PTCHD4: variants seen among roughly 807,000 people sequenced by gnomAD.
PTCHD4 encodes patched domain-containing protein 4.
PTCHD4 carries 33 observed loss-of-function variants against 58.1 expected under a neutral mutation model. The ratio of observed to expected loss-of-function variants is 0.57; its 90% CI spans 0.43 to 0.76. PTCHD4 has a LOEUF of 0.76. Among genes scored for constraint, PTCHD4 ranks in the 30% least tolerant of loss-of-function variants. The pLI, the probability that PTCHD4 is intolerant of heterozygous loss-of-function variation, is 0.00. For synonymous variants in PTCHD4, 478 were observed against 409.6 expected (o/e 1.17, Z -2.02); for missense variants, 1,058 against 1,027.1 (o/e 1.03, Z -0.41).
At chr6:48,110,792 A>ATAT (rs1765855886) in intron 1 of PTCHD4, among the ~76,000 whole-genome samples, 1 of 142,842 alleles carries the variant, frequency 7.0e-6, no homozygotes, top group African/African-American at 2.5e-5. Flanking sequence ...TATATATATA[A>ATAT]ATATATATAT....
At chr6:47,886,955 G>C (rs1764211920) in intron 4 of PTCHD4, among the ~76,000 whole-genome samples, 1 of 152,114 alleles carries the variant, frequency 6.6e-6, no homozygotes, top group African/African-American at 2.4e-5. Context: ...GCTAGACTGA[G>C]ATTGCCCGTT....
chr6:48,042,235 A>T (rs1423453000), intron 3 of PTCHD4, among the ~76,000 whole-genome samples: 1 of 151,956 alleles, frequency 6.6e-6, no homozygotes, highest in African/African-American at 2.4e-5. Context: ...AGCAATTATT[A>T]ATCGAAATCC....
At chr6:48,053,864 C>T (rs1298843131) in intron 3 of PTCHD4, among the ~76,000 whole-genome samples, 1 of 152,060 alleles carries the variant, frequency 6.6e-6, no homozygotes, top group African/African-American at 2.4e-5. Context: ...AAAATGGTAC[C>T]GTGGTACCTG....
chr6:47,874,664 T>A lies in PTCHD4; in HGVS notation c.*3639A>T, dbSNP rs748813267. Among the ~76,000 whole-genome samples, 1 of 151,782 alleles carries A rather than the reference T, an allele frequency of 6.6e-6. No homozygotes were observed. The highest frequency in any genetic ancestry group is 2.4e-5 in the African/African-American group (1 of 41,420). ...CATCATAAAACATTTGTCATCATTA[T>A]TCTTCTCACCTCACAAGGTAAAAAC... On this transcript the variant is annotated 3_prime_UTR_variant, in exon 5 of 5. Coordinates refer to ENST00000339488, the MANE Select transcript of PTCHD4 (RefSeq NM_001384253.1).
At chr6:47,944,967 T>C (rs188817831) in intron 4 of PTCHD4, among the ~76,000 whole-genome samples, 42 of 151,988 alleles carry the variant, frequency 2.8e-4, no homozygotes, top group Middle Eastern at 3.4e-3. Flanking sequence ...TGTGGATAAA[T>C]GTAGAGTCAT....
At chr6:48,073,169 AATTAGTAACAACAC>A (rs1228844394) in intron 1 of PTCHD4, among the ~76,000 whole-genome samples, 1 of 152,198 alleles carries the variant, frequency 6.6e-6, no homozygotes, top group Non-Finnish European at 1.5e-5. Flanking sequence ...TTTAGGGACC[AATTAGTAACAACAC>A]ATTAATTGGT....
At chr6:47,989,225 C>T (rs1380866135) in intron 4 of PTCHD4, among the ~76,000 whole-genome samples, 7 of 152,152 alleles carry the variant, frequency 4.6e-5, no homozygotes, top group Admixed American at 4.6e-4. Flanking sequence ...GCAGCAAAGC[C>T]TTCAAGAGGT....
intron 1 of PTCHD4, among the ~76,000 whole-genome samples, chr6:48,093,328 G>T (rs2113904464): frequency 6.6e-6 from 1 of 152,198 alleles, no homozygotes; most frequent in East Asian, 1.9e-4. Flanking sequence ...TTAAAAATGT[G>T]AATTCAGGAC....
intron 4 of PTCHD4, among the ~76,000 whole-genome samples, chr6:47,903,279 G>T (rs985011818): frequency 6.6e-6 from 1 of 151,404 alleles, no homozygotes; most frequent in Non-Finnish European, 1.5e-5. Flanking sequence ...AGGGGGAGAT[G>T]ATCATTAATT....
At chr6:48,003,339 C>T (rs1562000637) in intron 4 of PTCHD4, among the ~76,000 whole-genome samples, 2 of 152,110 alleles carry the variant, frequency 1.3e-5, no homozygotes, top group Non-Finnish European at 2.9e-5. Context: ...CAGTGAATTC[C>T]TCTCATGACT....
intron 4 of PTCHD4, among the ~76,000 whole-genome samples, chr6:47,939,883 C>T (rs1367924233): frequency 6.6e-6 from 1 of 152,042 alleles, no homozygotes; most frequent in Non-Finnish European, 1.5e-5. Flanking sequence ...CCCTATGTTG[C>T]CCTGAAACTG....
chr6:47,909,719 G>A (rs1488296875), intron 4 of PTCHD4, among the ~76,000 whole-genome samples: 2 of 152,004 alleles, frequency 1.3e-5, no homozygotes, highest in Non-Finnish European at 2.9e-5. Flanking sequence ...TGGGATTGCA[G>A]GTATGAGCCA....
At chr6:47,941,068 A>C (rs1430410234) in intron 4 of PTCHD4, among the ~76,000 whole-genome samples, 1 of 152,144 alleles carries the variant, frequency 6.6e-6, no homozygotes, top group Non-Finnish European at 1.5e-5. Context: ...AGCATGCCTG[A>C]CTGTTGGCAA....
In PTCHD4 at chr6:47,872,945, A is replaced by G. The variant is rs960251296; in HGVS notation, c.*5358T>C. On this transcript the variant is annotated 3_prime_UTR_variant, in exon 5 of 5. Coordinates refer to ENST00000339488, the MANE Select transcript of PTCHD4 (RefSeq NM_001384253.1). ...AGAGTCCTCATTAAGTATGAAAAAA[A>G]CTGATTAGAAAAAGTGTTCATTATG... Among the ~76,000 whole-genome samples the G allele has an allele frequency of 6.6e-6, 1 of 151,712 alleles. No homozygotes were observed. The highest frequency in any genetic ancestry group is 6.6e-5 in the Admixed American group (1 of 15,186).
At chr6:47,916,687 A>T (rs969373266) in intron 4 of PTCHD4, among the ~76,000 whole-genome samples, 2 of 151,978 alleles carry the variant, frequency 1.3e-5, no homozygotes, top group Admixed American at 6.6e-5. Flanking sequence ...ATATACTCTA[A>T]GGTGTTAGAA....
At chr6:48,060,064 A>G (rs1469512787) in intron 3 of PTCHD4, among the ~76,000 whole-genome samples, 4 of 152,100 alleles carry the variant, frequency 2.6e-5, no homozygotes, top group African/African-American at 7.2e-5. Flanking sequence ...CTTTAACAAG[A>G]CTCAAGCTCC....
chr6:48,043,053 G>A (rs552673167), intron 3 of PTCHD4, among the ~76,000 whole-genome samples: 36 of 151,894 alleles, frequency 2.4e-4, no homozygotes, highest in African/African-American at 8.2e-4. Flanking sequence ...AGACAGTATC[G>A]GTGACTATGT....
intron 4 of PTCHD4, among the ~76,000 whole-genome samples, chr6:47,959,371 T>G (rs1214165912): frequency 6.6e-6 from 1 of 152,140 alleles, no homozygotes; most frequent in East Asian, 1.9e-4. Flanking sequence ...GGGAACTAAC[T>G]ATAGTGAATC....
intron 3 of PTCHD4, among the ~76,000 whole-genome samples, chr6:48,067,443 A>G (rs114084107): frequency 6.6e-6 from 1 of 152,282 alleles, no homozygotes; most frequent in African/African-American, 2.4e-5. Context: ...GGACTCAGTT[A>G]TCTAGTACAT....
Sources: gnomAD v4.1 joint callset for allele counts (sites outside exome capture counted in the v4.1 genomes callset) on GRCh38, gnomAD v4.1.1 for gene constraint, MANE v1.5 for transcripts, NCBI Gene and HGNC (gene_info 2026-07-23, HGNC 2026-07-21) for gene names.